Variants in ATP8A1 observed in about 807,000 individuals in gnomAD.
The protein encoded by ATP8A1 is phospholipid-transporting ATPase IA.
In ATP8A1, 90 loss-of-function variants were observed where a neutral mutation model predicts 177.7. The observed-to-expected ratio is 0.51, with a 90% CI of 0.43 to 0.60. ATP8A1 has a LOEUF of 0.60. ATP8A1 is among the 20% of genes least tolerant of loss of function. ATP8A1 has a pLI of 0.00. For synonymous variants in ATP8A1, 493 were observed against 485.9 expected, an observed-to-expected ratio of 1.01 and a Z score of -0.19; for missense variants, 1,072 against 1,392.8, an observed-to-expected ratio of 0.77 and a Z score of 3.67.
chr4:42,525,670 G>T (rs1726601800), intron 20 of ATP8A1, among the ~76,000 whole-genome samples: 1 of 151,982 alleles, frequency 6.6e-6, no homozygotes, highest in African/African-American at 2.4e-5. Flanking sequence ...TGCAGCTTTG[G>T]TTTAGTGCTT....
chr4:42,500,386 A>G (rs1723739061), intron 24 of ATP8A1, among the ~76,000 whole-genome samples: 1 of 151,374 alleles, frequency 6.6e-6, no homozygotes, highest in African/African-American at 2.5e-5. Context: ...AAAACAAAAC[A>G]AAACAAAACA....
At chr4:42,506,425 C>T (rs974365971) in intron 23 of ATP8A1, among the ~76,000 whole-genome samples, 11 of 152,224 alleles carry the variant, frequency 7.2e-5, no homozygotes, top group African/African-American at 1.2e-4. Context: ...GCCTTCAGAA[C>T]GATGAGATAT....
At chr4:42,603,726 C>T (rs28379080) in intron 5 of ATP8A1, among the ~76,000 whole-genome samples, 135 of 152,284 alleles carry the variant, frequency 8.9e-4, no homozygotes, top group African/African-American at 3.1e-3. Flanking sequence ...CCAATATCAG[C>T]ACCCCTAGTT....
intron 5 of ATP8A1, among the ~76,000 whole-genome samples, chr4:42,609,456 CTTAA>C (rs1221689169): frequency 6.6e-6 from 1 of 152,214 alleles, no homozygotes; most frequent in Admixed American, 6.5e-5. Flanking sequence ...TTTTCCTCTG[CTTAA>C]TTGAGAAATT....
intron 36 of ATP8A1, among the ~76,000 whole-genome samples, chr4:42,413,740 C>T (rs1269235319): frequency 2.6e-5 from 4 of 152,182 alleles, no homozygotes; most frequent in African/African-American, 7.2e-5. Context: ...ATATACTTGA[C>T]TCACAGCGGG....
chr4:42,628,466 A>G (rs1203321150), intron 1 of ATP8A1, among the ~76,000 whole-genome samples: 1 of 152,022 alleles, frequency 6.6e-6, no homozygotes, highest in African/African-American at 2.4e-5. Context: ...GTCCCAGAGG[A>G]CCCTGCGCTC....
chr4:42,547,046 T>A (rs756957630), intron 19 of ATP8A1, among the ~76,000 whole-genome samples: 6 of 152,220 alleles, frequency 3.9e-5, no homozygotes, highest in Non-Finnish European at 7.3e-5. Flanking sequence ...ACTGCCAAAT[T>A]GCTATTTCAG....
chr4:42,466,135 T>G (rs1336814545), intron 25 of ATP8A1, among the ~76,000 whole-genome samples: 3 of 149,618 alleles, frequency 2.0e-5, no homozygotes, highest in Non-Finnish European at 4.4e-5. Flanking sequence ...TATTGGAAAC[T>G]ATAGAGAAAG....
At chr4:42,593,899 A>C (rs1177514607) in intron 6 of ATP8A1, among the ~76,000 whole-genome samples, 2 of 152,050 alleles carry the variant, frequency 1.3e-5, no homozygotes, top group Non-Finnish European at 2.9e-5. Flanking sequence ...CCATTCCATC[A>C]TAATAATCAA....
At chr4:42,454,993 G>A (rs1718324040) in intron 29 of ATP8A1, among the ~76,000 whole-genome samples, 1 of 152,090 alleles carries the variant, frequency 6.6e-6, no homozygotes, top group Admixed American at 6.6e-5. Flanking sequence ...AAGACAGAAG[G>A]CCAGAGAACC....
chr4:42,600,375 G>C (rs1428510468), intron 6 of ATP8A1, 103 bp downstream of exon 6: 2 of 839,194 alleles, frequency 2.4e-6, no homozygotes, highest in Non-Finnish European at 3.4e-6. Flanking sequence ...TTTTATATTA[G>C]TAAAATTCTT....
At chr4:42,470,388 T>C (rs1475649043) in intron 25 of ATP8A1, among the ~76,000 whole-genome samples, 1 of 152,202 alleles carries the variant, frequency 6.6e-6, no homozygotes, top group Non-Finnish European at 1.5e-5. Flanking sequence ...GTGGTCCATC[T>C]TACATGAAGC....
intron 11 of ATP8A1, 83 bp from the exon 12 acceptor site, chr4:42,578,470 CCATACTACG>C (rs1379951541): frequency 6.9e-7 from 1 of 1,449,078 alleles, no homozygotes; most frequent in Non-Finnish European, 9.4e-7. Context: ...TACAAGTTTT[CCATACTACG>C]CAGCTTATTT....
intron 24 of ATP8A1, among the ~76,000 whole-genome samples, chr4:42,501,284 T>C (rs1300498214): frequency 6.6e-6 from 1 of 152,254 alleles, no homozygotes; most frequent in Non-Finnish European, 1.5e-5. Context: ...CAAAATTTTA[T>C]AACATCTCAT....
chr4:42,418,350 C>T (rs1713478465), intron 35 of ATP8A1, among the ~76,000 whole-genome samples: 1 of 111,546 alleles, frequency 9.0e-6, no homozygotes. Context: ...TTATGAGTCT[C>T]ATTATTGTAT....
At chr4:42,636,970 C>T (rs1341287962) in intron 1 of ATP8A1, among the ~76,000 whole-genome samples, 2 of 152,200 alleles carry the variant, frequency 1.3e-5, no homozygotes, top group African/African-American at 2.4e-5. Context: ...GGAGCTACTC[C>T]ACCCGCTTAA....
intron 6 of ATP8A1, among the ~76,000 whole-genome samples, chr4:42,597,251 A>C (rs1406608617): frequency 1.3e-5 from 2 of 152,100 alleles, no homozygotes. Flanking sequence ...TGTAGACGAC[A>C]CTCTTGGTTT....
At chr4:42,549,215 T>C (rs1015088568) in intron 18 of ATP8A1, among the ~76,000 whole-genome samples, 153 bp from the exon 19 acceptor site, 1 of 152,138 alleles carries the variant, frequency 6.6e-6, no homozygotes, top group Admixed American at 6.5e-5. Context: ...AACTTTTACG[T>C]AAATTGAGTT....
Position 42,579,852 on chromosome 4 carries a change from G to C in ATP8A1, c.961C>G (p.Arg321Gly), listed in dbSNP as rs769033596. The change falls in exon 11 of 37, where the codon CGA becomes GGA. Residue 321 changes from arginine to glycine, a missense_variant. Physicochemically the swap from Arg to Gly is moderately radical, Grantham distance 125. This residue lies in a region of ATP8A1 where 344 missense variants were observed against 393.5 expected (regional missense o/e 0.87). Transcript: ENST00000381668. ...VCSVGSAIWN[R>G]RHSGKDWYLN... Reference sequence around the variant, plus strand: ...TACCAGTCTTTTCCAGAATGCCTTCGATTCCAAATGGCTGAGCCCACAGAA... The same window carrying C: ...TACCAGTCTTTTCCAGAATGCCTTCCATTCCAAATGGCTGAGCCCACAGAA... 1.2e-6 allele frequency: 2 copies of C among 1,613,442 alleles called. No homozygotes were observed. Among genetic ancestry groups the C allele is most frequent in the East Asian group, 4.5e-5 (2 of 44,870 alleles).
Sources: allele counts gnomAD v4.1 joint callset (sites outside exome capture counted in the v4.1 genomes callset), GRCh38; gene constraint gnomAD v4.1.1; regional missense constraint gnomAD v4.1.1; transcripts MANE v1.5; gene names NCBI Gene and HGNC (gene_info 2026-07-23, HGNC 2026-07-21).